Variants in LRRIQ1 observed in about 807,000 individuals in gnomAD.
LRRIQ1 encodes leucine rich repeats and IQ motif containing 1.
Under a neutral mutation model 211.9 loss-of-function variants are expected in LRRIQ1, and 210 were observed. The ratio of observed to expected loss-of-function variants is 0.99; its 90% CI spans 0.89 to 1.11. The LOEUF is 1.11. Ranked by LOEUF, LRRIQ1 falls within the 50% of genes most tolerant of loss-of-function variation. The pLI is 0.00. For missense variants in LRRIQ1, 2,136 were observed against 1,939.5 expected, an observed-to-expected ratio of 1.10 and a Z score of -1.90; for synonymous variants, 699 against 650.1, an observed-to-expected ratio of 1.08 and a Z score of -1.14.
intron 24 of LRRIQ1, among the ~76,000 whole-genome samples, chr12:85,228,887 GT>G (rs1347555386): frequency 6.6e-6 from 1 of 152,076 alleles, no homozygotes; most frequent in African/African-American, 2.4e-5. Flanking sequence ...TGCGATTTAG[GT>G]TTTAAGAGGT....
chr12:85,047,214 A>G, intron 5 of LRRIQ1, 33 bp from the exon 6 acceptor site: 1 of 1,482,162 alleles, frequency 6.7e-7, no homozygotes, highest in Non-Finnish European at 9.1e-7. Flanking sequence ...TTGATCTTAC[A>G]AATGATGATG....
intron 10 of LRRIQ1, among the ~76,000 whole-genome samples, chr12:85,072,593 G>A (rs901080846): frequency 1.3e-5 from 2 of 150,726 alleles, no homozygotes; most frequent in African/African-American, 4.9e-5. Flanking sequence ...TTACTGCCGT[G>A]CAATTTTATA....
chr12:85,052,872 A>G (rs1880498213), intron 7 of LRRIQ1, among the ~76,000 whole-genome samples: 1 of 152,148 alleles, frequency 6.6e-6, no homozygotes, highest in Non-Finnish European at 1.5e-5. Context: ...ACAAAAAAAG[A>G]CAATAATAGC....
intron 24 of LRRIQ1, among the ~76,000 whole-genome samples, chr12:85,217,860 A>T (rs1379309074): frequency 6.6e-6 from 1 of 151,180 alleles, no homozygotes; most frequent in Non-Finnish European, 1.5e-5. Flanking sequence ...TCACCATGTT[A>T]TTCTGAAAGC....
intron 24 of LRRIQ1, among the ~76,000 whole-genome samples, chr12:85,217,137 A>G (rs2137102202): frequency 6.6e-6 from 1 of 151,916 alleles, no homozygotes; most frequent in Non-Finnish European, 1.5e-5. Flanking sequence ...TCAGTTTGAC[A>G]AATACAAAAA....
chr12:85,063,319 A>G (rs1186292876), intron 8 of LRRIQ1, among the ~76,000 whole-genome samples: 1 of 151,626 alleles, frequency 6.6e-6, no homozygotes, highest in Non-Finnish European at 1.5e-5. Flanking sequence ...TTAATTTAAG[A>G]TAGATGAAAG....
At chr12:85,258,852 A>T (rs865898244) in intron 1 of LRRIQ1, among the ~76,000 whole-genome samples, 1 of 152,198 alleles carries the variant, frequency 6.6e-6, no homozygotes, top group African/African-American at 2.4e-5. Context: ...ATGACATATT[A>T]CTATACATCA....
At chr12:85,136,705 A>G (rs1592862429) in intron 18 of LRRIQ1, among the ~76,000 whole-genome samples, 1 of 151,742 alleles carries the variant, frequency 6.6e-6, no homozygotes, top group African/African-American at 2.4e-5. Context: ...CTGTATATAT[A>G]TATATTTCAG....
At chr12:85,203,550 A>G (rs1893400443) in intron 24 of LRRIQ1, among the ~76,000 whole-genome samples, 1 of 152,130 alleles carries the variant, frequency 6.6e-6, no homozygotes, top group Non-Finnish European at 1.5e-5. Context: ...TGCTGATAGC[A>G]ATATGGATAA....
chr12:85,190,336 TA>T (rs1215350235), intron 24 of LRRIQ1, among the ~76,000 whole-genome samples: 1 of 143,594 alleles, frequency 7.0e-6, no homozygotes, highest in African/African-American at 2.5e-5. Flanking sequence ...AAACTACAGT[TA>T]ATTACATAAA....
chr12:85,117,946 A>G (rs545201012), intron 15 of LRRIQ1, among the ~76,000 whole-genome samples: 1 of 152,230 alleles, frequency 6.6e-6, no homozygotes, highest in South Asian at 2.1e-4. Flanking sequence ...TACAGTAAAC[A>G]ACTTGGTGAG....
At chr12:85,057,972 A>G (rs950854235) in intron 8 of LRRIQ1, among the ~76,000 whole-genome samples, 29 of 152,072 alleles carry the variant, frequency 1.9e-4, no homozygotes, top group African/African-American at 7.0e-4. Flanking sequence ...AAGAACAATC[A>G]TATTAATAGA....
chr12:85,257,829 G>T (rs1210148285), intron 1 of LRRIQ1, among the ~76,000 whole-genome samples: 1 of 151,794 alleles, frequency 6.6e-6, no homozygotes, highest in Non-Finnish European at 1.5e-5. Context: ...ACAGAATTTA[G>T]TGAAGACTTT....
chr12:85,069,560 G>A (rs914080678), intron 10 of LRRIQ1, among the ~76,000 whole-genome samples: 1 of 151,998 alleles, frequency 6.6e-6, no homozygotes, highest in Non-Finnish European at 1.5e-5. Context: ...CCCACCAACA[G>A]TGTAAAAGTG....
At chr12:85,074,597 C>A (rs1248264527) in intron 11 of LRRIQ1, among the ~76,000 whole-genome samples, 4 of 151,786 alleles carry the variant, frequency 2.6e-5, no homozygotes, top group Non-Finnish European at 2.9e-5. Flanking sequence ...TCCTCCCAGC[C>A]CCTTACTAAC....
At chr12:85,209,993 C>T (rs1232262606) in intron 24 of LRRIQ1, among the ~76,000 whole-genome samples, 1 of 152,090 alleles carries the variant, frequency 6.6e-6, no homozygotes, top group Non-Finnish European at 1.5e-5. Context: ...AAATGAATGA[C>T]ATTTTAAAAT....
chr12:85,057,037 A>T lies in LRRIQ1; in HGVS notation c.2244A>T (p.Ser748=), dbSNP rs375258913. Residue 748 remains serine (S), a synonymous_variant, in exon 8 of 27, where the codon TCA becomes TCT. Transcript: ENST00000393217. The stretch of plus-strand genomic sequence containing the variant: ...AAAGGAGACTAGCCTGGATAAAATC[A>T]TTTAAACCTTGGCTTGAAATTTTCA... ...IEERRLAWIK[S]FKPWLEIFKQ... 1.7e-5 allele frequency: 27 copies of T among 1,608,814 alleles called. No homozygotes were observed. Among genetic ancestry groups the T allele is most frequent in the Non-Finnish European group, 2.2e-5 (26 of 1,178,298 alleles).
chr12:85,086,756 C>G (rs1244437730), intron 11 of LRRIQ1, among the ~76,000 whole-genome samples: 1 of 151,898 alleles, frequency 6.6e-6, no homozygotes, highest in Non-Finnish European at 1.5e-5. Context: ...AACTCAACAA[C>G]TAGAAAGTGA....
At chr12:85,147,947 A>T (rs1889998059) in intron 19 of LRRIQ1, among the ~76,000 whole-genome samples, 1 of 151,748 alleles carries the variant, frequency 6.6e-6, no homozygotes. Context: ...ATAGGAGTGT[A>T]CCTGATTGCT....
Sources: gnomAD v4.1 joint callset for allele counts (sites outside exome capture counted in the v4.1 genomes callset) on GRCh38, gnomAD v4.1.1 for gene constraint, MANE v1.5 for transcripts, NCBI Gene and HGNC (gene_info 2026-07-23, HGNC 2026-07-21) for gene names.